The following ZNF831 variants were observed in gnomAD, a reference collection of about 807,000 sequenced individuals.
ZNF831 encodes chromosome 20 open reading frame 174.
ZNF831 carries 59 observed loss-of-function variants against 95.8 expected under a neutral mutation model. That is an observed-to-expected ratio of 0.62 (90% confidence interval 0.50 to 0.77). ZNF831 has a LOEUF of 0.77. Among genes scored for constraint, ZNF831 ranks in the 30% least tolerant of loss-of-function variants. The probability of loss-of-function intolerance (pLI) is 0.00; values close to 1 mark genes in which losing one functional copy is unlikely to be tolerated. For synonymous variants in ZNF831, 961 were observed against 925.5 expected (o/e 1.04, Z -0.70); for missense variants, 2,205 against 2,164.0 (o/e 1.02, Z -0.38).
upstream of ZNF831, among the ~76,000 whole-genome samples, chr20:59,159,467 G>T (rs923029486): frequency 2.6e-5 from 4 of 152,154 alleles, no homozygotes; most frequent in African/African-American, 9.7e-5. Context: ...ACATCGCTGA[G>T]GTGGCCCTGA....
Position 59,200,633 on chromosome 20 carries a change from G to A in ZNF831, c.3875+4628G>A, listed in dbSNP as rs73309040. Among the ~76,000 whole-genome samples, 713 of 152,096 alleles carry A rather than the reference G, an allele frequency of 4.7e-3. 8 individuals are homozygous for A. The highest frequency in any genetic ancestry group is 0.016 in the African/African-American group (683 of 41,482). ...CTTTTGTAATTCCTCCCTTCTGCCC[G>A]TCCTGAAGTCCTTCCATCCCCAGGT... is the stretch of plus-strand genomic sequence containing the variant. On this transcript the variant is annotated intron_variant, in intron 3 of 5. Coordinates refer to ENST00000371030, the MANE Select transcript of ZNF831 (RefSeq NM_178457.3).
rs1277338166 is a variant in ZNF831 at position 59,193,870 on chromosome 20, C to G, written c.2851C>G (p.Pro951Ala). ...YLLRLPQAET[P>A]LPLPIPWGPR... is the part of the protein sequence containing the mutation. The stretch of plus-strand genomic sequence containing the variant: ...CCTCAGGTTACCTCAGGCAGAGACC[C>G]CCTTACCACTGCCCATTCCCTGGGG... The change falls in exon 2 of 6, where the codon CCC becomes GCC. Residue 951 changes from proline (P) to alanine (A), a missense_variant. Physicochemically the swap from Pro to Ala is conservative, Grantham distance 27. Transcript: ENST00000371030. The G allele has an allele frequency of 1.2e-6, 2 of 1,612,210 alleles. No homozygotes were observed. Among genetic ancestry groups the G allele is most frequent in the East Asian group, 2.2e-5 (1 of 44,866 alleles).
rs151056828 is a variant in ZNF831, at chr20:59,141,962, G to T, written c.-1424-4269G>T. ...TTGGGAAGAGCACTCTGTGGTGAAC[G>T]GCTGGCTCTACGTGTCTGGGGAAAC... On this transcript the variant is annotated intron_variant, in intron 1 of 7. Coordinates refer to the ZNF831 transcript ENST00000637017. 8.9e-3 allele frequency among the ~76,000 whole-genome samples: 1,352 copies of T among 152,304 alleles called. 13 individuals are homozygous for T. The highest frequency in any genetic ancestry group is 0.031 in the African/African-American group (1,273 of 41,556).
intron 4 of ZNF831, among the ~76,000 whole-genome samples, chr20:59,234,232 T>C (rs763375178): frequency 1.3e-5 from 2 of 152,232 alleles, no homozygotes; most frequent in Admixed American, 6.5e-5. Flanking sequence ...GTTGTCATGG[T>C]TGGTATTAAG....
intron 2 of ZNF831, among the ~76,000 whole-genome samples, chr20:59,155,082 G>C (rs1306619591): frequency 6.6e-6 from 1 of 152,180 alleles, no homozygotes; most frequent in African/African-American, 2.4e-5. Flanking sequence ...GTATTTGCTG[G>C]ACAAGTAACT....
chr20:59,126,741 A>G (rs1392265304), intron 1 of ZNF831, among the ~76,000 whole-genome samples: 2 of 152,108 alleles, frequency 1.3e-5, no homozygotes, highest in Non-Finnish European at 2.9e-5. Context: ...CACCTTGCAC[A>G]TGCTTGGTCA....
chr20:59,148,569 A>G lies in ZNF831; in HGVS notation c.-1281+2195A>G, dbSNP rs1252018723. Among the ~76,000 whole-genome samples, 2 of 137,274 alleles carry G rather than the reference A, an allele frequency of 1.5e-5. 1 individual carries two copies. The highest frequency in any genetic ancestry group is 3.2e-5 in the Non-Finnish European group (2 of 63,200). 90.1% of individuals were successfully genotyped at this position (137,274 alleles called of 152,430 possible). A position where few individuals can be genotyped will look rare whatever the true frequency, so the allele number is the denominator to read the frequency against. On this transcript the variant is annotated intron_variant, in intron 2 of 7. Coordinates refer to the ZNF831 transcript ENST00000637017. ...GTGGCGCGCGCCTGTAGTCCCAGCT[A>G]CACGGGAGGCTGAGGCAGGAGAATG...
intron 2 of ZNF831, among the ~76,000 whole-genome samples, chr20:59,156,320 G>A (rs1980537963): frequency 6.6e-6 from 1 of 152,206 alleles, no homozygotes; most frequent in Non-Finnish European, 1.5e-5. Context: ...GAGGTCAGGA[G>A]TCTGAGACCA....
intron 4 of ZNF831, among the ~76,000 whole-genome samples, chr20:59,246,813 A>G (rs948160891): frequency 5.9e-5 from 9 of 152,230 alleles, no homozygotes; most frequent in African/African-American, 1.2e-4. Context: ...TAGTGCAGAA[A>G]TACCCGAGGC....
At chr20:59,219,711 G>C (rs1441106734) in intron 4 of ZNF831, among the ~76,000 whole-genome samples, 1 of 152,134 alleles carries the variant, frequency 6.6e-6, no homozygotes, top group Non-Finnish European at 1.5e-5. Context: ...CGATCATAAA[G>C]AATTTTTGCC....
chr20:59,199,932 C>A (rs260002), intron 3 of ZNF831, among the ~76,000 whole-genome samples: 1 of 151,884 alleles, frequency 6.6e-6, no homozygotes, highest in Non-Finnish European at 1.5e-5. Context: ...TATTACTCTG[C>A]AAATATATTT....
At chr20:59,220,246 G>C (rs1244246431) in intron 4 of ZNF831, among the ~76,000 whole-genome samples, 2 of 152,172 alleles carry the variant, frequency 1.3e-5, no homozygotes, top group African/African-American at 4.8e-5. Context: ...AGAAAAATGA[G>C]GATCTCAGGG....
chr20:59,229,535 C>T (rs1300034966), intron 4 of ZNF831, among the ~76,000 whole-genome samples: 2 of 152,120 alleles, frequency 1.3e-5, no homozygotes, highest in Non-Finnish European at 2.9e-5. Flanking sequence ...CTCTTTTTCC[C>T]CAAGCAGTCA....
At chr20:59,150,471 A>G (rs900209113) in intron 2 of ZNF831, among the ~76,000 whole-genome samples, 1 of 152,260 alleles carries the variant, frequency 6.6e-6, no homozygotes, top group Admixed American at 6.5e-5. Context: ...TGCACAGGAT[A>G]TACTTAAACT....
chr20:59,143,176 G>A (rs902923708), intron 1 of ZNF831, among the ~76,000 whole-genome samples: 3 of 152,206 alleles, frequency 2.0e-5, no homozygotes, highest in African/African-American at 7.2e-5. Context: ...TTAGATTACA[G>A]GTGTGAGCCA....
chr20:59,133,951 A>G (rs1979425751), intron 1 of ZNF831, among the ~76,000 whole-genome samples: 1 of 152,220 alleles, frequency 6.6e-6, no homozygotes. Context: ...GATGATAAGC[A>G]CATGCCTTCT....
chr20:59,206,932 T>C lies in ZNF831; in HGVS notation c.3903T>C (p.Cys1301=), dbSNP rs1984931597. The change falls in exon 4 of 6, where the codon TGT becomes TGC. Residue 1301 remains cysteine (C), a synonymous_variant. Coordinates refer to ENST00000371030, the MANE Select transcript of ZNF831 (RefSeq NM_178457.3). The part of the protein sequence containing the change: ...KRYKGNFLQS[C]VQLRASRLRT... ...ACAAAGGGAATTTCTTGCAGAGCTGTGTTCAGCTGAGAGCCAGTAGACTTC... is the reference window on the plus strand; with the variant it reads ...ACAAAGGGAATTTCTTGCAGAGCTGCGTTCAGCTGAGAGCCAGTAGACTTC... The C allele has an allele frequency of 6.2e-7, 1 of 1,614,162 alleles. No individual in the cohort carries two copies. Among genetic ancestry groups the C allele is most frequent in the East Asian group, 2.2e-5 (1 of 44,892 alleles).
At chr20:59,231,948 G>A (rs189467397) in intron 4 of ZNF831, among the ~76,000 whole-genome samples, 14 of 152,228 alleles carry the variant, frequency 9.2e-5, no homozygotes, top group East Asian at 1.9e-4. Flanking sequence ...AGAACAAGGC[G>A]TGAGAGATTG....
At position 59,193,902 on chromosome 20, in the gene ZNF831, G is replaced by A. The variant is rs752643079; in HGVS notation, c.2883G>A (p.Arg961=). 1.0e-5 allele frequency: 16 copies of A among 1,605,406 alleles called. No individual in the cohort carries two copies. In the East Asian group the frequency reaches 3.1e-4, roughly 31 times the overall value. Residue 961 remains arginine (R), a synonymous_variant, in exon 2 of 6, where the codon AGG becomes AGA. Coordinates refer to ENST00000371030, the MANE Select transcript of ZNF831 (RefSeq NM_178457.3). ...PLPLPIPWGP[R]HSQDSLCSSG... is the part of the protein sequence containing the mutation. ...CACTGCCCATTCCCTGGGGACCAAGGCACAGCCAGGACTCTCTCTGCAGCA... is the reference window on the plus strand; with the variant it reads ...CACTGCCCATTCCCTGGGGACCAAGACACAGCCAGGACTCTCTCTGCAGCA...
Sources: allele counts gnomAD v4.1 joint callset (sites outside exome capture counted in the v4.1 genomes callset), GRCh38; gene constraint gnomAD v4.1.1; transcripts MANE v1.5; gene names NCBI Gene and HGNC (gene_info 2026-07-23, HGNC 2026-07-21).